The following PRKCA variants were observed in gnomAD, a reference collection of about 807,000 sequenced individuals.
PRKCA encodes protein kinase C alpha.
A neutral mutation model predicts 87.0 loss-of-function variants in PRKCA; 27 were observed. The ratio of observed to expected loss-of-function variants is 0.31; its 90% confidence interval spans 0.23 to 0.43. The LOEUF is 0.43. Among genes scored for constraint, PRKCA ranks in the 20% least tolerant of loss-of-function variants. The probability of loss-of-function intolerance (pLI) is 1.00; values close to 1 mark genes in which losing one functional copy is unlikely to be tolerated. For missense variants in PRKCA, 518 were observed against 852.3 expected (o/e 0.61, Z 4.88); for synonymous variants, 329 against 311.1 (o/e 1.06, Z -0.61).
Position 66,613,779 on chromosome 17 carries a change from C to CTTTTTTTT in PRKCA, c.289-27557_289-27550dup, listed in dbSNP as rs57610655. 1.3e-4 allele frequency among the ~76,000 whole-genome samples: 9 copies of CTTTTTTTT among 69,386 alleles called. 3 individuals carry two copies. The highest frequency in any genetic ancestry group is 4.3e-4 in the African/African-American group (7 of 16,292). 45.5% of individuals were successfully genotyped at this position (69,386 alleles called of 152,430 possible). A position where few individuals can be genotyped will look rare whatever the true frequency, so the allele number is the denominator to read the frequency against. ...CACCTTAATCCAGTATGACTTCATCCTTTTTTTTTTTTTTTTTTTTTTTTT... is the reference window on the plus strand; with the variant it reads ...CACCTTAATCCAGTATGACTTCATCCTTTTTTTTTTTTTTTTTTTTTTTTTTTTTTTTT... On this transcript the variant is annotated intron_variant, in intron 3 of 16. Coordinates refer to ENST00000413366, the MANE Select transcript of PRKCA (RefSeq NM_002737.3).
At chr17:66,746,845 G>T (rs1974299691) in intron 13 of PRKCA, among the ~76,000 whole-genome samples, 4 of 152,132 alleles carry the variant, frequency 2.6e-5, no homozygotes, top group Admixed American at 2.6e-4. Flanking sequence ...GCTTCATTTG[G>T]ATTTAATCCA....
chr17:66,786,477 G>A (rs571100113), intron 14 of PRKCA, among the ~76,000 whole-genome samples: 7 of 152,206 alleles, frequency 4.6e-5, no homozygotes, highest in Admixed American at 2.6e-4. Flanking sequence ...ATTTTCTACC[G>A]GCCACCCCCA....
At chr17:66,488,645 A>G (rs979803922) in intron 2 of PRKCA, among the ~76,000 whole-genome samples, 1 of 152,226 alleles carries the variant, frequency 6.6e-6, no homozygotes, top group African/African-American at 2.4e-5. Context: ...AAAGAAGGCA[A>G]GGGAAGAATT....
chr17:66,677,438 C>G (rs979175641), intron 5 of PRKCA: 1 of 152,180 alleles, frequency 6.6e-6, no homozygotes, highest in African/African-American at 2.4e-5. Context: ...ACATATCGTC[C>G]GTGTCTGCTT....
chr17:66,429,261 G>A (rs1488735830), intron 2 of PRKCA, among the ~76,000 whole-genome samples: 2 of 152,096 alleles, frequency 1.3e-5, no homozygotes, highest in African/African-American at 2.4e-5. Flanking sequence ...GTCAAGCTCC[G>A]CATAGTAGAA....
intron 2 of PRKCA, among the ~76,000 whole-genome samples, chr17:66,311,301 G>A (rs1159448103): frequency 6.6e-6 from 1 of 152,130 alleles, no homozygotes; most frequent in Non-Finnish European, 1.5e-5. Context: ...AGAGAAAAGT[G>A]GTGGAGGTGG....
At chr17:66,406,379 C>T (rs1346510633) in intron 2 of PRKCA, among the ~76,000 whole-genome samples, 1 of 152,098 alleles carries the variant, frequency 6.6e-6, no homozygotes, top group South Asian at 2.1e-4. Flanking sequence ...CCCCATTGTA[C>T]AGATGCTGAC....
rs1355912469 is a variant in PRKCA, at chr17:66,793,615, AAC to A, written c.1854+4637_1854+4638del. On this transcript the variant is annotated intron_variant, in intron 16 of 16. Coordinates refer to ENST00000413366, the MANE Select transcript of PRKCA (RefSeq NM_002737.3). ...CAAAAAAAAAAAAAAAAAAAAAAAA[AAC>A]CGGAATGTTCAGAAGAGTCTAGGTA... Among the ~76,000 whole-genome samples, 965 of 122,594 alleles carry A rather than the reference AAC, an allele frequency of 7.9e-3. 30 individuals carry two copies. Among genetic ancestry groups the A allele is most frequent in the African/African-American group, 0.033 (878 of 26,976 alleles). 80.4% of individuals were successfully genotyped at this position (122,594 alleles called of 152,430 possible).
intron 13 of PRKCA, among the ~76,000 whole-genome samples, chr17:66,746,771 C>T (rs1265543833): frequency 2.0e-5 from 3 of 152,194 alleles, no homozygotes; most frequent in African/African-American, 7.2e-5. Flanking sequence ...AGAGGGTCCT[C>T]TTTGCTTTGA....
At chr17:66,420,818 A>G (rs1421681008) in intron 2 of PRKCA, among the ~76,000 whole-genome samples, 1 of 152,228 alleles carries the variant, frequency 6.6e-6, no homozygotes, top group Non-Finnish European at 1.5e-5. Context: ...GAAGACAGTC[A>G]AATCAATGTT....
intron 13 of PRKCA, among the ~76,000 whole-genome samples, chr17:66,771,137 G>T (rs1974925437): frequency 6.6e-6 from 1 of 151,888 alleles, no homozygotes; most frequent in Non-Finnish European, 1.5e-5. Flanking sequence ...CGAGTAGCTG[G>T]GATTACAGGC....
intron 3 of PRKCA, among the ~76,000 whole-genome samples, chr17:66,637,020 G>C (rs995355069): frequency 4.6e-5 from 7 of 152,064 alleles, no homozygotes; most frequent in Admixed American, 4.6e-4. Context: ...TAATTTTGGG[G>C]TGTGACAACT....
chr17:66,322,489 G>A (rs1373294837), intron 2 of PRKCA, among the ~76,000 whole-genome samples: 1 of 152,044 alleles, frequency 6.6e-6, no homozygotes, highest in Non-Finnish European at 1.5e-5. Flanking sequence ...AAGAGATGGA[G>A]TCTCCCTCTG....
chr17:66,781,352 C>T (rs1204443602), intron 14 of PRKCA, among the ~76,000 whole-genome samples: 1 of 152,168 alleles, frequency 6.6e-6, no homozygotes. Flanking sequence ...GCTGCTGCTC[C>T]AGCCTTTGCT....
At chr17:66,523,789 G>A (rs1967250779) in intron 3 of PRKCA, among the ~76,000 whole-genome samples, 1 of 152,164 alleles carries the variant, frequency 6.6e-6, no homozygotes, top group Non-Finnish European at 1.5e-5. Context: ...CCAGGGTGGT[G>A]CCTGGTGGAC....
chr17:66,346,458 G>C (rs1020700456), intron 2 of PRKCA, among the ~76,000 whole-genome samples: 3 of 151,770 alleles, frequency 2.0e-5, no homozygotes, highest in African/African-American at 7.3e-5. Context: ...TATTGCCCGG[G>C]ATGGACTTTT....
chr17:66,519,588 G>C (rs1967088604), intron 3 of PRKCA, among the ~76,000 whole-genome samples: 1 of 152,118 alleles, frequency 6.6e-6, no homozygotes, highest in South Asian at 2.1e-4. Context: ...GTTATACTGG[G>C]AATTAAATGG....
intron 15 of PRKCA, chr17:66,787,208 G>A (rs945420523): frequency 1.8e-5 from 13 of 704,362 alleles, no homozygotes; most frequent in Middle Eastern, 5.2e-4. Context: ...ACCTTGTAGT[G>A]TTGCTCCTGG....
chr17:66,751,925 C>T (rs545446988), intron 13 of PRKCA, among the ~76,000 whole-genome samples: 8 of 152,210 alleles, frequency 5.3e-5, no homozygotes, highest in African/African-American at 1.7e-4. Context: ...AACTCTGCCA[C>T]GAGAATAGCA....
Sources: gnomAD v4.1 joint callset for allele counts (sites outside exome capture counted in the v4.1 genomes callset) on GRCh38, gnomAD v4.1.1 for gene constraint, MANE v1.5 for transcripts, NCBI Gene and HGNC (gene_info 2026-07-23, HGNC 2026-07-21) for gene names.